The following RAB38 variants were observed in gnomAD, a reference collection of about 807,000 sequenced individuals.
RAB38 encodes RAB38, member RAS oncogene family.
RAB38 carries 15 observed loss-of-function variants against 18.4 expected under a neutral mutation model. The observed-to-expected ratio is 0.82, with a 90% confidence interval of 0.55 to 1.26. The LOEUF is 1.26. RAB38 is among the 50% of genes most tolerant of loss of function. The pLI is 0.00. For synonymous variants in RAB38, 101 were observed against 104.4 expected, an observed-to-expected ratio of 0.97 and a Z score of 0.20; for missense variants, 294 against 267.4, an observed-to-expected ratio of 1.10 and a Z score of -0.69.
the RAB38 span, among the ~76,000 whole-genome samples, chr11:87,900,808 A>G: frequency 6.6e-6 from 1 of 151,326 alleles, no homozygotes; most frequent in African/African-American, 2.4e-5. Context: ...ATAAGAAATA[A>G]AGCAAAAAAG....
the RAB38 span, among the ~76,000 whole-genome samples, chr11:88,007,840 A>C: frequency 6.6e-6 from 1 of 152,126 alleles, no homozygotes; most frequent in African/African-American, 2.4e-5. Context: ...TAAGATCTCA[A>C]ATGTATCAAC....
chr11:87,880,941 A>G, the RAB38 span, among the ~76,000 whole-genome samples: 1 of 151,878 alleles, frequency 6.6e-6, no homozygotes, highest in African/African-American at 2.4e-5. Flanking sequence ...GTAATTAAGT[A>G]TCAACTAGTG....
At chr11:87,910,817 A>G in the RAB38 span, among the ~76,000 whole-genome samples, 1 of 151,706 alleles carries the variant, frequency 6.6e-6, no homozygotes, top group Admixed American at 6.6e-5. Context: ...ATGTATTTTT[A>G]GTAGAGACGG....
chr11:87,977,459 A>G, the RAB38 span, among the ~76,000 whole-genome samples: 2 of 45,178 alleles, frequency 4.4e-5, no homozygotes, highest in Non-Finnish European at 7.9e-5. Context: ...ATTACATAAT[A>G]TAATTATATA....
the RAB38 span, among the ~76,000 whole-genome samples, chr11:87,895,604 A>G: frequency 5.3e-3 from 798 of 151,820 alleles, 7 homozygotes; most frequent in African/African-American, 0.019. Context: ...TAATTAAGCT[A>G]GACAATGGAG....
At chr11:87,859,235 A>G in the RAB38 span, among the ~76,000 whole-genome samples, 1 of 152,014 alleles carries the variant, frequency 6.6e-6, no homozygotes, top group Non-Finnish European at 1.5e-5. Context: ...CAAAAAATTA[A>G]TCTGTCAATT....
chr11:87,880,013 A>G, the RAB38 span: 1 of 151,760 alleles, frequency 6.6e-6, no homozygotes, highest in Admixed American at 6.6e-5. Context: ...GACTGAGAAT[A>G]GTGGTACATA....
intron 2 of RAB38, among the ~76,000 whole-genome samples, chr11:88,119,357 ATT>A (rs1942600234): frequency 6.6e-6 from 1 of 152,242 alleles, no homozygotes; most frequent in Non-Finnish European, 1.5e-5. Flanking sequence ...AACAAATTTA[ATT>A]TTAAAAATAA....
the RAB38 span, among the ~76,000 whole-genome samples, chr11:88,069,758 G>C: frequency 2.9e-4 from 44 of 152,190 alleles, no homozygotes; most frequent in African/African-American, 1.0e-3. Flanking sequence ...CTCAAGGTTT[G>C]TAAATGCACC....
At chr11:87,841,199 G>A in the RAB38 span, among the ~76,000 whole-genome samples, 1 of 152,100 alleles carries the variant, frequency 6.6e-6, no homozygotes, top group Non-Finnish European at 1.5e-5. Context: ...ACCTTGAATT[G>A]TAGTTCCCAT....
the RAB38 span, among the ~76,000 whole-genome samples, chr11:88,034,091 T>A: frequency 6.6e-6 from 1 of 152,210 alleles, no homozygotes; most frequent in Non-Finnish European, 1.5e-5. Flanking sequence ...ACCACTAATC[T>A]GTTTTCCTTA....
At chr11:87,872,110 A>T in the RAB38 span, among the ~76,000 whole-genome samples, 2 of 151,476 alleles carry the variant, frequency 1.3e-5, no homozygotes, top group South Asian at 4.2e-4. Flanking sequence ...TGAGAGTTCT[A>T]TTTACCTGCT....
chr11:88,009,914 C>T, the RAB38 span, among the ~76,000 whole-genome samples: 2 of 152,020 alleles, frequency 1.3e-5, no homozygotes, highest in Non-Finnish European at 2.9e-5. Flanking sequence ...AAATATTTAC[C>T]TATACATAAG....
the RAB38 span, among the ~76,000 whole-genome samples, chr11:88,076,664 G>A: frequency 6.6e-6 from 1 of 151,794 alleles, no homozygotes; most frequent in Non-Finnish European, 1.5e-5. Context: ...TAGCTATAAA[G>A]AATATAGGCT....
chr11:88,124,555 T>C (rs1378452215), intron 2 of RAB38, among the ~76,000 whole-genome samples: 2 of 152,144 alleles, frequency 1.3e-5, no homozygotes, highest in African/African-American at 4.8e-5. Flanking sequence ...AGAGAGATAC[T>C]AGCTAACTAC....
the RAB38 span, among the ~76,000 whole-genome samples, chr11:88,025,686 T>C: frequency 4.9e-4 from 75 of 152,328 alleles, no homozygotes; most frequent in East Asian, 0.012. Context: ...TTTTGAAAAG[T>C]GTTCAGTCTT....
the RAB38 span, among the ~76,000 whole-genome samples, chr11:87,942,173 T>C: frequency 6.6e-6 from 1 of 152,210 alleles, no homozygotes; most frequent in Non-Finnish European, 1.5e-5. Flanking sequence ...GAAAATCACA[T>C]TATTGAATGC....
chr11:88,161,679 A>G (rs1247462596), intron 1 of RAB38, among the ~76,000 whole-genome samples: 1 of 152,142 alleles, frequency 6.6e-6, no homozygotes, highest in Non-Finnish European at 1.5e-5. Context: ...TTAGTGCTGC[A>G]TACTGATGAA....
At chr11:88,014,926 CT>C in the RAB38 span, among the ~76,000 whole-genome samples, 3,188 of 152,220 alleles carry the variant, frequency 0.021, 97 homozygotes, top group African/African-American at 0.071. Context: ...ATGTGGCAAC[CT>C]CTGGAAAGTT....
Sources: allele counts gnomAD v4.1 joint callset (sites outside exome capture counted in the v4.1 genomes callset), GRCh38; gene constraint gnomAD v4.1.1; transcripts MANE v1.5; gene names NCBI Gene and HGNC (gene_info 2026-07-23, HGNC 2026-07-21).